SOBP: variants seen among roughly 807,000 people sequenced by gnomAD.
SOBP encodes sine oculis binding protein homolog, also known as sine oculis-binding protein homolog.
SOBP carries 4 observed loss-of-function variants against 53.6 expected under a neutral mutation model. The ratio of observed to expected loss-of-function variants is 0.07; its 90% confidence interval spans 0.04 to 0.17. SOBP has a LOEUF of 0.17. SOBP is among the 10% of genes least tolerant of loss of function. The pLI, the probability that SOBP is intolerant of heterozygous loss-of-function variation, is 1.00. For synonymous variants in SOBP, 584 were observed against 522.6 expected, an observed-to-expected ratio of 1.12 and a Z score of -1.60; for missense variants, 1,088 against 1,204.7, an observed-to-expected ratio of 0.90 and a Z score of 1.43.
At chr6:107,532,401 C>T (rs187118420) in intron 3 of SOBP, among the ~76,000 whole-genome samples, 108 of 152,070 alleles carry the variant, frequency 7.1e-4, no homozygotes, top group African/African-American at 2.6e-3. Flanking sequence ...TTATTCACCC[C>T]CACCCACCCC....
At chr6:107,518,184 A>G (rs1420238041) in intron 3 of SOBP, among the ~76,000 whole-genome samples, 3 of 152,234 alleles carry the variant, frequency 2.0e-5, no homozygotes, top group African/African-American at 7.2e-5. Context: ...TAGGCAAAAA[A>G]TGTAAACAGG....
In SOBP at chr6:107,634,867, C is replaced by T. The variant is rs1378524114; in HGVS notation, c.2023C>T (p.His675Tyr). 1 of 1,361,164 alleles carries T rather than the reference C, an allele frequency of 7.3e-7. No individual in the cohort carries two copies. The highest frequency in any genetic ancestry group is 1.6e-5 in the South Asian group (1 of 63,912). The allele number at this position is 1,361,164 out of a possible 1,614,324, so 84.3% of individuals were successfully genotyped here. ...HNVIHRALHA[H>Y]VKAEREPSAA... ...CGTGATCCACCGCGCGCTGCACGCG[C>T]ACGTCAAGGCGGAGCGCGAGCCGAG... is the stretch of plus-strand genomic sequence containing the variant. The change falls in exon 6 of 7, where the codon CAC (histidine) becomes TAC (tyrosine). Residue 675 changes from histidine (H) to tyrosine (Y), a missense_variant. Coordinates refer to ENST00000317357, the MANE Select transcript of SOBP (RefSeq NM_018013.4). The surrounding 1 kb of genome is among the most constrained non-coding windows in gnomAD (Gnocchi z 4.5).
chr6:107,537,589 G>A (rs2114993417), intron 4 of SOBP, among the ~76,000 whole-genome samples: 1 of 152,282 alleles, frequency 6.6e-6, no homozygotes, highest in East Asian at 1.9e-4. Context: ...GGGAGGTGGA[G>A]GTAGGAGGAT....
At chr6:107,549,403 TTATAGAA>T (rs1427005551) in intron 4 of SOBP, among the ~76,000 whole-genome samples, 4 of 151,952 alleles carry the variant, frequency 2.6e-5, no homozygotes, top group Non-Finnish European at 2.9e-5. Flanking sequence ...CACAAATTGA[TTATAGAA>T]GCTTAAATCA....
At chr6:107,588,756 T>C (rs973724843) in intron 5 of SOBP, among the ~76,000 whole-genome samples, 1 of 152,248 alleles carries the variant, frequency 6.6e-6, no homozygotes, top group African/African-American at 2.4e-5. Flanking sequence ...ACATCGTTTT[T>C]AGCTGTCTTT....
chr6:107,518,890 A>T (rs1362144689), intron 3 of SOBP, among the ~76,000 whole-genome samples: 1 of 152,078 alleles, frequency 6.6e-6, no homozygotes, highest in Non-Finnish European at 1.5e-5. Flanking sequence ...CTAGAATGTA[A>T]TTTGACCTTT....
intron 4 of SOBP, among the ~76,000 whole-genome samples, chr6:107,571,536 G>A (rs1488457956): frequency 6.6e-6 from 1 of 152,192 alleles, no homozygotes; most frequent in African/African-American, 2.4e-5. Context: ...GGTGGCAACA[G>A]TCACACTGGA....
chr6:107,537,653 T>C (rs1784037665), intron 4 of SOBP, among the ~76,000 whole-genome samples: 1 of 152,046 alleles, frequency 6.6e-6, no homozygotes, highest in Non-Finnish European at 1.5e-5. Context: ...AGACCCTGTC[T>C]CTACAAAACA....
intron 3 of SOBP, among the ~76,000 whole-genome samples, chr6:107,519,784 G>A (rs944736760): frequency 1.3e-5 from 2 of 152,136 alleles, no homozygotes; most frequent in Non-Finnish European, 2.9e-5. Flanking sequence ...CAACTAAATA[G>A]CACATCCTTC....
At chr6:107,577,571 G>T (rs937707039) in intron 4 of SOBP, among the ~76,000 whole-genome samples, 2 of 152,222 alleles carry the variant, frequency 1.3e-5, no homozygotes, top group African/African-American at 4.8e-5. Flanking sequence ...AAGATAGCAT[G>T]AATGCCCCTT....
intron 6 of SOBP, among the ~76,000 whole-genome samples, chr6:107,646,100 GA>G (rs1180838789): frequency 6.6e-6 from 1 of 152,234 alleles, no homozygotes; most frequent in Non-Finnish European, 1.5e-5. Flanking sequence ...TTTGTAGACT[GA>G]AAGACTGACA....
intron 4 of SOBP, among the ~76,000 whole-genome samples, chr6:107,567,406 A>C (rs576841705): frequency 6.6e-6 from 1 of 152,344 alleles, no homozygotes; most frequent in South Asian, 2.1e-4. Flanking sequence ...TGCCTTGGCT[A>C]GCAGGGCACA....
At chr6:107,592,530 G>T (rs117040290) in intron 5 of SOBP, among the ~76,000 whole-genome samples, 1 of 152,084 alleles carries the variant, frequency 6.6e-6, no homozygotes, top group Non-Finnish European at 1.5e-5. Flanking sequence ...CCAGATTTAC[G>T]CCCCAGCTCA....
chr6:107,548,484 C>T (rs545193645), intron 4 of SOBP, among the ~76,000 whole-genome samples: 22 of 152,186 alleles, frequency 1.4e-4, no homozygotes, highest in African/African-American at 4.1e-4. Flanking sequence ...CCTCGTGATG[C>T]GCCCGCCTTG....
intron 5 of SOBP, among the ~76,000 whole-genome samples, chr6:107,591,114 G>A (rs931355922): frequency 5.3e-5 from 8 of 152,174 alleles, no homozygotes; most frequent in African/African-American, 1.9e-4. Flanking sequence ...AAGGATCATA[G>A]ACGCAAAGGC....
rs71551313 is a variant in SOBP at position 107,522,537 on chromosome 6, CTTT to C, written c.422-10902_422-10900del. 4.0e-5 allele frequency among the ~76,000 whole-genome samples: 3 copies of C among 74,092 alleles called. No homozygotes were observed. In the South Asian group the frequency reaches 1.6e-3, roughly 40 times the overall value. The allele number at this position is 74,092 out of a possible 152,430, so 48.6% of individuals were successfully genotyped here. A position where few individuals can be genotyped will look rare whatever the true frequency, so the allele number is the denominator to read the frequency against. On this transcript the variant is annotated intron_variant, in intron 3 of 6. Coordinates refer to ENST00000317357, the MANE Select transcript of SOBP (RefSeq NM_018013.4). ...TGAATGATTGGGTGTAGTATAAAAA[CTTT>C]TTTTTTTTTTTTTTTTTTTGTGGCA...
chr6:107,562,333 A>T (rs1363450563), intron 4 of SOBP, among the ~76,000 whole-genome samples: 1 of 152,124 alleles, frequency 6.6e-6, no homozygotes, highest in Non-Finnish European at 1.5e-5. Context: ...TGGTTCTTAA[A>T]TAGTGAAGTT....
intron 4 of SOBP, among the ~76,000 whole-genome samples, chr6:107,552,192 C>T (rs1784478409): frequency 6.6e-6 from 1 of 152,160 alleles, no homozygotes; most frequent in Non-Finnish European, 1.5e-5. Flanking sequence ...GCAATTTCAC[C>T]AAGTTAAACC....
intron 5 of SOBP, among the ~76,000 whole-genome samples, chr6:107,591,796 A>C (rs1785757272): frequency 6.6e-6 from 1 of 152,084 alleles, no homozygotes; most frequent in Non-Finnish European, 1.5e-5. Flanking sequence ...TACAGAATTA[A>C]AGTAGTGGGA....
Sources: gnomAD v4.1 joint callset for allele counts (sites outside exome capture counted in the v4.1 genomes callset) on GRCh38, gnomAD v4.1.1 for gene constraint, Gnocchi (gnomAD v3.1) non-coding constraint, MANE v1.5 for transcripts, NCBI Gene and HGNC (gene_info 2026-07-23, HGNC 2026-07-21) for gene names.